GDPD5: variants seen among roughly 807,000 people sequenced by gnomAD.
The protein encoded by GDPD5 is glycerophosphodiester phosphodiesterase domain containing 5, also known as glycerophosphodiester phosphodiesterase 2.
In GDPD5, 48 loss-of-function variants were observed where a neutral mutation model predicts 75.1. The observed-to-expected ratio is 0.64, with a 90% CI of 0.51 to 0.81. GDPD5 has a LOEUF of 0.81. Ranked by LOEUF, GDPD5 falls within the 40% of genes least tolerant of loss-of-function variation. The pLI is 0.00. For missense variants in GDPD5, 706 were observed against 822.6 expected, an observed-to-expected ratio of 0.86 and a Z score of 1.73; for synonymous variants, 336 against 339.0, an observed-to-expected ratio of 0.99 and a Z score of 0.10.
chr11:75,438,739 T>A (rs1948696625), intron 15 of GDPD5: 1 of 153,474 alleles, frequency 6.5e-6, no homozygotes, highest in Admixed American at 6.5e-5. Flanking sequence ...CGGCCAGGCA[T>A]ATCCAGAACA....
At chr11:75,471,354 C>G (rs939787670) in intron 3 of GDPD5, among the ~76,000 whole-genome samples, 17 of 152,312 alleles carry the variant, frequency 1.1e-4, no homozygotes, top group Admixed American at 8.5e-4. Context: ...AATCCCCACC[C>G]CCAGCCGGCT....
At chr11:75,482,143 T>C (rs1949931510) in intron 2 of GDPD5, among the ~76,000 whole-genome samples, 1 of 152,074 alleles carries the variant, frequency 6.6e-6, no homozygotes, top group African/African-American at 2.4e-5. Context: ...GACTGCACAT[T>C]ACAACCCACC....
At position 75,443,151 on chromosome 11, in the gene GDPD5, G is replaced by A. The variant is rs1302459171; in HGVS notation, c.933C>T (p.Gly311=). 1.9e-6 allele frequency: 3 copies of A among 1,603,050 alleles called. No homozygotes were observed. Among genetic ancestry groups the A allele is most frequent in the Middle Eastern group, 1.7e-4 (1 of 6,050 alleles). ...NWTTLQRLNA[G]QWFLKTDPFW... ...GCAGCCAGACCTTCAGGAACCACTGGCCAGCGTTGAGTCTCTGCAGGGTGG... is the reference window on the plus strand; with the variant it reads ...GCAGCCAGACCTTCAGGAACCACTGACCAGCGTTGAGTCTCTGCAGGGTGG... Residue 311 remains glycine, a synonymous_variant, in exon 11 of 17, where the codon GGC becomes GGT. Transcript: ENST00000336898.
chr11:75,470,575 C>A (rs866321645), intron 3 of GDPD5, among the ~76,000 whole-genome samples: 1 of 152,104 alleles, frequency 6.6e-6, no homozygotes, highest in Non-Finnish European at 1.5e-5. Flanking sequence ...GTCACGTGTG[C>A]GGAGAGAGGT....
At chr11:75,503,867 T>C (rs1321257657) in intron 1 of GDPD5, among the ~76,000 whole-genome samples, 6 of 152,272 alleles carry the variant, frequency 3.9e-5, no homozygotes, top group Admixed American at 2.0e-4. Context: ...GAGATGTTCA[T>C]CTCCCAGCCC....
chr11:75,523,161 C>T (rs1298633981), intron 1 of GDPD5, among the ~76,000 whole-genome samples: 1 of 152,180 alleles, frequency 6.6e-6, no homozygotes, highest in African/African-American at 2.4e-5. Flanking sequence ...ATTTAATCCT[C>T]GCAACAACCT....
chr11:75,437,061 C>T lies in GDPD5; in HGVS notation c.1557-13G>A, dbSNP rs1177604572. On this transcript the variant is annotated splice_polypyrimidine_tract_variant and intron_variant, in intron 15 of 16. Coordinates refer to ENST00000336898, the MANE Select transcript of GDPD5 (RefSeq NM_030792.8). ...ACCCAGGCGCCACCTGCAGAGATGG[C>T]CCCGTGGGCATCAGGTCTCTCCTCA... 1.2e-6 allele frequency: 2 copies of T among 1,603,524 alleles called. No individual in the cohort carries two copies. Among genetic ancestry groups the T allele is most frequent in the East Asian group, 2.2e-5 (1 of 44,816 alleles).
chr11:75,521,923 T>C (rs1255559934), intron 1 of GDPD5, among the ~76,000 whole-genome samples: 3 of 152,166 alleles, frequency 2.0e-5, no homozygotes, highest in Non-Finnish European at 4.4e-5. Context: ...AACTAGGGCC[T>C]GGTCTTCATC....
intron 1 of GDPD5, among the ~76,000 whole-genome samples, chr11:75,498,881 CA>C (rs1244312040): frequency 1.3e-5 from 2 of 152,044 alleles, no homozygotes; most frequent in Admixed American, 1.3e-4. Context: ...ATGAATTCTC[CA>C]GCATCTTTGC....
chr11:75,477,036 T>A (rs1355053446), intron 3 of GDPD5, among the ~76,000 whole-genome samples: 1 of 152,210 alleles, frequency 6.6e-6, no homozygotes, highest in Non-Finnish European at 1.5e-5. Context: ...CACACAGGAA[T>A]TGGGTTCCTT....
intron 2 of GDPD5, among the ~76,000 whole-genome samples, chr11:75,488,055 T>G (rs1950047968): frequency 6.6e-6 from 1 of 152,186 alleles, no homozygotes; most frequent in African/African-American, 2.4e-5. Context: ...AAATCCCCTG[T>G]GCTGCTCTTA....
chr11:75,478,866 G>A (rs1479977456), intron 2 of GDPD5, among the ~76,000 whole-genome samples: 2 of 152,208 alleles, frequency 1.3e-5, no homozygotes, highest in Admixed American at 1.3e-4. Flanking sequence ...TCAACAAACT[G>A]AGGCTCAGAG....
intron 16 of GDPD5, among the ~76,000 whole-genome samples, chr11:75,436,022 C>T (rs1948616338): frequency 6.6e-6 from 1 of 152,214 alleles, no homozygotes; most frequent in African/African-American, 2.4e-5. Context: ...TCATCTGTCA[C>T]TCAGCCTCCT....
At chr11:75,481,100 G>A (rs913627160) in intron 2 of GDPD5, among the ~76,000 whole-genome samples, 4 of 152,196 alleles carry the variant, frequency 2.6e-5, no homozygotes, top group African/African-American at 9.6e-5. Flanking sequence ...ATGGAGGGAG[G>A]AAAGGGAGCC....
intron 2 of GDPD5, among the ~76,000 whole-genome samples, chr11:75,485,943 C>CT (rs1173416560): frequency 6.6e-6 from 1 of 152,206 alleles, no homozygotes; most frequent in African/African-American, 2.4e-5. Context: ...AGACACCCCC[C>CT]TTCTCCTTGG....
intron 2 of GDPD5, among the ~76,000 whole-genome samples, chr11:75,486,754 C>T (rs1356990385): frequency 6.6e-6 from 1 of 152,344 alleles, no homozygotes; most frequent in Admixed American, 6.5e-5. Context: ...GTCACTATCT[C>T]TTCTGGATCC....
intron 3 of GDPD5, among the ~76,000 whole-genome samples, chr11:75,473,998 A>C (rs1793416): frequency 1.3e-5 from 2 of 152,060 alleles, no homozygotes; most frequent in Non-Finnish European, 2.9e-5. Context: ...ACCCCAGAGC[A>C]GGTAGCAGGA....
chr11:75,449,697 G>A, intron 7 of GDPD5, 87 bp from the exon 8 acceptor site: 2 of 1,404,328 alleles, frequency 1.4e-6, no homozygotes, highest in Non-Finnish European at 2.0e-6. Flanking sequence ...TACCTATGAG[G>A]CAGGCAACCC....
intron 1 of GDPD5, among the ~76,000 whole-genome samples, chr11:75,515,198 G>A (rs1238135033): frequency 2.0e-5 from 3 of 152,356 alleles, no homozygotes; most frequent in East Asian, 3.9e-4. Flanking sequence ...GAGAGGGAGT[G>A]CTCGCTGGCA....
Sources: gnomAD v4.1 joint callset for allele counts (sites outside exome capture counted in the v4.1 genomes callset) on GRCh38, gnomAD v4.1.1 for gene constraint, MANE v1.5 for transcripts, NCBI Gene and HGNC (gene_info 2026-07-23, HGNC 2026-07-21) for gene names.